Variants in SLC27A6 observed in about 807,000 individuals in gnomAD.
SLC27A6 encodes solute carrier family 27 member 6, also known as long-chain fatty acid transport protein 6.
Under a neutral mutation model 63.9 loss-of-function variants are expected in SLC27A6, and 74 were observed. That is an observed-to-expected ratio of 1.16 (90% CI 0.96 to 1.40). The LOEUF (loss-of-function observed/expected upper bound fraction) is 1.40. SLC27A6 is among the 40% of genes most tolerant of loss of function. The probability of loss-of-function intolerance (pLI) is 0.00; values close to 1 mark genes in which losing one functional copy is unlikely to be tolerated. For missense variants in SLC27A6, 794 were observed against 732.9 expected (o/e 1.08, Z -0.96); for synonymous variants, 287 against 260.8 (o/e 1.10, Z -0.97).
intron 5 of SLC27A6, among the ~76,000 whole-genome samples, chr5:129,018,899 C>G (rs928906628): frequency 1.1e-4 from 16 of 152,008 alleles, no homozygotes; most frequent in African/African-American, 3.9e-4. Flanking sequence ...TTTATGACTT[C>G]TAGTCTGTCT....
At chr5:129,026,193 T>C (rs1752239980) in intron 6 of SLC27A6, among the ~76,000 whole-genome samples, 1 of 152,088 alleles carries the variant, frequency 6.6e-6, no homozygotes, top group Non-Finnish European at 1.5e-5. Context: ...GACTCCAACT[T>C]CATCTAGCCG....
At chr5:128,994,005 TA>T (rs1751067734) in intron 4 of SLC27A6, among the ~76,000 whole-genome samples, 1 of 151,962 alleles carries the variant, frequency 6.6e-6, no homozygotes, top group African/African-American at 2.4e-5. Context: ...CGATCTGTAC[TA>T]AAAATACAAA....
chr5:129,022,738 T>C (rs1231240389), intron 5 of SLC27A6, among the ~76,000 whole-genome samples: 6 of 152,036 alleles, frequency 3.9e-5, no homozygotes, highest in Non-Finnish European at 8.8e-5. Flanking sequence ...GGTGGTAGGA[T>C]TGCTTGAGCC....
chr5:128,988,623 A>T lies in SLC27A6; in HGVS notation c.709A>T (p.Ser237Cys). ...TTGLPKAAVI[S>C]QLQVLRGSAV... ...AGGTCTACCAAAAGCAGCTGTGATTAGTCAGCTGCAGGTTTTAAGGGGTTC... is the reference window on the plus strand; with the variant it reads ...AGGTCTACCAAAAGCAGCTGTGATTTGTCAGCTGCAGGTTTTAAGGGGTTC... Residue 237 changes from serine (S) to cysteine (C), a missense_variant, in exon 3 of 10, where the codon AGT becomes TGT. By Grantham distance (112) the Ser-to-Cys change is moderately radical. Coordinates refer to ENST00000262462, the MANE Select transcript of SLC27A6 (RefSeq NM_001017372.3). The T allele has an allele frequency of 3.1e-6, 5 of 1,613,972 alleles. No individual in the cohort carries two copies. The highest frequency in any genetic ancestry group is 1.6e-4 in the Middle Eastern group (1 of 6,062).
At chr5:129,026,106 G>T (rs1248185012) in intron 6 of SLC27A6, among the ~76,000 whole-genome samples, 1 of 152,168 alleles carries the variant, frequency 6.6e-6, no homozygotes, top group Non-Finnish European at 1.5e-5. Context: ...CTTCACTCCA[G>T]CCTGGGTCAC....
chr5:129,015,785 A>G, intron 4 of SLC27A6, 100 bp from the exon 5 acceptor site: 1 of 792,638 alleles, frequency 1.3e-6, no homozygotes, highest in Non-Finnish European at 2.0e-6. Context: ...CTGTTATTGC[A>G]CATATGCAGT....
At chr5:128,991,624 A>C (rs1470581379) in intron 4 of SLC27A6, among the ~76,000 whole-genome samples, 2 of 152,238 alleles carry the variant, frequency 1.3e-5, no homozygotes, top group African/African-American at 4.8e-5. Flanking sequence ...TCTTTAAAAA[A>C]ATAACTACTG....
rs748537662 is a variant in SLC27A6 at position 128,988,728 on chromosome 5, A to G, written c.814A>G (p.Ile272Val). 6.2e-7 allele frequency: 1 copy of G among 1,613,016 alleles called. No homozygotes were observed. Among genetic ancestry groups the G allele is most frequent in the Non-Finnish European group, 8.5e-7 (1 of 1,179,604 alleles). ...TCCTCTGTATCATAGTTCAGCAGCTATCCTGGGAATTTCTGGATGTGTTGA... is the reference window on the plus strand; with the variant it reads ...TCCTCTGTATCATAGTTCAGCAGCTGTCCTGGGAATTTCTGGATGTGTTGA... ...TLPLYHSSAAILGISGCVELG... is the reference protein window; with the variant it reads ...TLPLYHSSAAVLGISGCVELG... Residue 272 changes from isoleucine to valine, a missense_variant, in exon 3 of 10, where the codon ATC (isoleucine) becomes GTC (valine). Transcript: ENST00000262462.
At position 128,975,089 on chromosome 5, in the gene SLC27A6, G is replaced by A. The variant is rs929824105; in HGVS notation, c.481+8471G>A. ...AGACGGGCCAGGCGTGGTGGCTCAC[G>A]CCTGTAATCCCAGCACTTTGGGAGG... On this transcript the variant is annotated intron_variant, in intron 1 of 9. Coordinates refer to ENST00000262462, the MANE Select transcript of SLC27A6 (RefSeq NM_001017372.3). 6.6e-5 allele frequency among the ~76,000 whole-genome samples: 10 copies of A among 152,206 alleles called. No individual in the cohort carries two copies. In the South Asian group the frequency reaches 1.9e-3, roughly 29 times the overall value.
intron 4 of SLC27A6, among the ~76,000 whole-genome samples, chr5:129,009,765 C>A (rs113511786): frequency 0.22 from 33,729 of 151,868 alleles, 3,810 homozygotes; most frequent in Middle Eastern, 0.28. Flanking sequence ...ACCTCCACCC[C>A]CTGGGTTCAA....
chr5:129,029,715 T>C lies in SLC27A6; in HGVS notation c.1683+8T>C. 2 of 1,593,210 alleles carry C rather than the reference T, an allele frequency of 1.3e-6. No homozygotes were observed. The highest frequency in any genetic ancestry group is 1.7e-6 in the Non-Finnish European group (2 of 1,173,192). ...CGATTTTTAAGAATTCAGGTAATTT[T>C]AGTGGCGGAGTTTACTATCAAATAT... On this transcript the variant is annotated splice_region_variant and intron_variant, in intron 9 of 9. Coordinates refer to ENST00000262462, the MANE Select transcript of SLC27A6 (RefSeq NM_001017372.3).
chr5:129,019,656 C>T (rs572822161), intron 5 of SLC27A6, among the ~76,000 whole-genome samples: 24 of 151,632 alleles, frequency 1.6e-4, no homozygotes, highest in East Asian at 9.7e-4. Context: ...AAAGTAAGCA[C>T]GCTCAGCTCA....
chr5:129,007,805 A>G (rs1313869907), intron 4 of SLC27A6, among the ~76,000 whole-genome samples: 1 of 152,122 alleles, frequency 6.6e-6, no homozygotes, highest in East Asian at 1.9e-4. Flanking sequence ...TATAGATAAG[A>G]TATTCACTCT....
intron 4 of SLC27A6, among the ~76,000 whole-genome samples, chr5:128,999,866 T>C (rs1751275336): frequency 6.6e-6 from 1 of 152,162 alleles, no homozygotes; most frequent in Non-Finnish European, 1.5e-5. Flanking sequence ...AGACTGATGT[T>C]ATACATGCAT....
At position 129,021,800 on chromosome 5, in the gene SLC27A6, T is replaced by G. The variant is rs376550949; in HGVS notation, c.1165-1820T>G. Among the ~76,000 whole-genome samples, 7 of 152,336 alleles carry G rather than the reference T, an allele frequency of 4.6e-5. 1 individual carries two copies. The highest frequency in any genetic ancestry group is 1.7e-4 in the African/African-American group (7 of 41,582). ...CTAGAAAATGCTGTGATATATTTAATTGCGTTTGAATTATAAAATTATTCA... is the reference window on the plus strand; with the variant it reads ...CTAGAAAATGCTGTGATATATTTAAGTGCGTTTGAATTATAAAATTATTCA... On this transcript the variant is annotated intron_variant, in intron 5 of 9. Transcript: ENST00000262462.
At chr5:129,007,026 G>T (rs1321599428) in intron 4 of SLC27A6, among the ~76,000 whole-genome samples, 1 of 151,990 alleles carries the variant, frequency 6.6e-6, no homozygotes, top group East Asian at 1.9e-4. Flanking sequence ...AAATGTAATA[G>T]GTAAATGTAA....
At chr5:129,029,896 G>A (rs1488509029) in intron 9 of SLC27A6, among the ~76,000 whole-genome samples, 189 bp downstream of exon 9, 3 of 151,984 alleles carry the variant, frequency 2.0e-5, no homozygotes, top group African/African-American at 4.8e-5. Context: ...ATGCTAGGAC[G>A]TACCTGTCTT....
chr5:128,999,202 A>G (rs1751253578), intron 4 of SLC27A6, among the ~76,000 whole-genome samples: 1 of 152,138 alleles, frequency 6.6e-6, no homozygotes, highest in African/African-American at 2.4e-5. Flanking sequence ...GCTCTCTGGA[A>G]GAAGCTTCAC....
Position 128,995,475 on chromosome 5 carries a change from C to G in SLC27A6, c.969+5011C>G, listed in dbSNP as rs537826340. Among the ~76,000 whole-genome samples the G allele has an allele frequency of 2.0e-5, 3 of 152,200 alleles. No individual in the cohort carries two copies. In the South Asian group the frequency reaches 6.2e-4, roughly 32 times the overall value. On this transcript the variant is annotated intron_variant, in intron 4 of 9. Coordinates refer to ENST00000262462, the MANE Select transcript of SLC27A6 (RefSeq NM_001017372.3). ...AACACAGATGAAAAGTAATTACAGACAATGACAAAGGTTATGAAGAAACAA... is the reference window on the plus strand; with the variant it reads ...AACACAGATGAAAAGTAATTACAGAGAATGACAAAGGTTATGAAGAAACAA...
Sources: allele counts gnomAD v4.1 joint callset (sites outside exome capture counted in the v4.1 genomes callset), GRCh38; gene constraint gnomAD v4.1.1; transcripts MANE v1.5; gene names NCBI Gene and HGNC (gene_info 2026-07-23, HGNC 2026-07-21).